Variants in C13orf42 observed in about 807,000 individuals in gnomAD.
The protein encoded by C13orf42 is uncharacterized protein C13orf42.
At chr13:51,157,170 C>T (rs57011760) in intron 1 of C13orf42, among the ~76,000 whole-genome samples, 7,505 of 152,230 alleles carry the variant, frequency 0.049, 630 homozygotes, top group African/African-American at 0.17. Context: ...GCGGTGGCTG[C>T]CGCCTGTAAT....
chr13:51,126,408 A>G (rs1953577825), intron 1 of C13orf42, among the ~76,000 whole-genome samples: 1 of 152,086 alleles, frequency 6.6e-6, no homozygotes, highest in African/African-American at 2.4e-5. Context: ...TTCAGGCAAA[A>G]CTCTATCTTT....
At chr13:51,095,841 G>A (rs564006268) in intron 1 of C13orf42, among the ~76,000 whole-genome samples, 1 of 152,148 alleles carries the variant, frequency 6.6e-6, no homozygotes, top group East Asian at 1.9e-4. Flanking sequence ...CAATGTTCGT[G>A]TCATATCTGA....
intron 1 of C13orf42, among the ~76,000 whole-genome samples, chr13:51,148,202 G>A (rs1319693616): frequency 2.6e-5 from 4 of 152,220 alleles, no homozygotes; most frequent in Non-Finnish European, 5.9e-5. Flanking sequence ...GCCAGCCAGG[G>A]AGAGGTCTCC....
At position 51,106,912 on chromosome 13, in the gene C13orf42, G is replaced by A. The variant is rs144701816; in HGVS notation, c.414+3884C>T. Among the ~76,000 whole-genome samples the A allele has an allele frequency of 2.1e-3, 323 of 152,310 alleles. 2 individuals are homozygous for A. The highest frequency in any genetic ancestry group is 7.3e-3 in the African/African-American group (304 of 41,556). On this transcript the variant is annotated intron_variant, in intron 1 of 3. Transcript: ENST00000563710. Reference sequence around the variant, plus strand: ...CCAACACTGACACAAAAACCCTCACGTACGGATTTTTTTTGTTGTTTTGAT... The same window carrying A: ...CCAACACTGACACAAAAACCCTCACATACGGATTTTTTTTGTTGTTTTGAT...
chr13:51,124,432 CATA>C (rs1367040581), intron 1 of C13orf42, among the ~76,000 whole-genome samples: 3 of 152,164 alleles, frequency 2.0e-5, no homozygotes, highest in Non-Finnish European at 4.4e-5. Context: ...TGGGCGGTTA[CATA>C]ATGAGGAGGT....
At chr13:51,156,134 A>AT (rs1953822712) in intron 1 of C13orf42, among the ~76,000 whole-genome samples, 1 of 152,154 alleles carries the variant, frequency 6.6e-6, no homozygotes, top group African/African-American at 2.4e-5. Flanking sequence ...CTCTTGGGGA[A>AT]GAAGGAAAGC....
intron 1 of C13orf42, among the ~76,000 whole-genome samples, chr13:51,162,986 G>A (rs1953877929): frequency 6.6e-6 from 1 of 152,120 alleles, no homozygotes; most frequent in South Asian, 2.1e-4. Flanking sequence ...ATATATTGAG[G>A]GAAAACTGAT....
upstream of C13orf42, among the ~76,000 whole-genome samples, chr13:51,112,824 C>G (rs1235380137): frequency 6.6e-6 from 1 of 152,192 alleles, no homozygotes; most frequent in African/African-American, 2.4e-5. Context: ...CAGCTTCCAG[C>G]CCATTATGCT....
At chr13:51,130,747 C>T (rs962660128) in intron 1 of C13orf42, among the ~76,000 whole-genome samples, 4 of 151,758 alleles carry the variant, frequency 2.6e-5, no homozygotes, top group Non-Finnish European at 4.4e-5. Flanking sequence ...AAGGTTTTCA[C>T]CAAAAGTAAA....
At chr13:51,158,157 T>C (rs1158511131) in intron 1 of C13orf42, among the ~76,000 whole-genome samples, 1 of 152,174 alleles carries the variant, frequency 6.6e-6, no homozygotes, top group Non-Finnish European at 1.5e-5. Context: ...GTTAAGTAAA[T>C]TGCCAAACAT....
At chr13:51,102,247 C>T (rs1224526273) in intron 1 of C13orf42, among the ~76,000 whole-genome samples, 1 of 152,138 alleles carries the variant, frequency 6.6e-6, no homozygotes, top group African/African-American at 2.4e-5. Flanking sequence ...CAGAAATTCT[C>T]AACAGATCTG....
chr13:51,111,217 G>A lies in C13orf42; in HGVS notation c.-8C>T, dbSNP rs1021185760. On this transcript the variant is annotated 5_prime_UTR_variant, in exon 1 of 4. Transcript: ENST00000563710. ...GTGGATCTTTCTGAACATAGTGCTC[G>A]ATTTCTTTCTGTGGGTACCTTCCAG... 8.4e-4 allele frequency: 333 copies of A among 398,604 alleles called. No homozygotes were observed. Among genetic ancestry groups the A allele is most frequent in the Non-Finnish European group, 1.1e-3 (254 of 226,114 alleles). 24.7% of individuals were successfully genotyped at this position (398,604 alleles called of 1,614,324 possible). A position where few individuals can be genotyped will look rare whatever the true frequency, so the allele number is the denominator to read the frequency against.
chr13:51,101,423 G>T (rs550618507), intron 1 of C13orf42, among the ~76,000 whole-genome samples: 1 of 151,970 alleles, frequency 6.6e-6, no homozygotes, highest in Non-Finnish European at 1.5e-5. Flanking sequence ...GTGTGTTTTT[G>T]ATGGTGGGCT....
chr13:51,135,524 G>A (rs1953650988), intron 1 of C13orf42, among the ~76,000 whole-genome samples: 1 of 151,474 alleles, frequency 6.6e-6, no homozygotes, highest in African/African-American at 2.4e-5. Context: ...ATGGTGGCAG[G>A]CGCCTGTAGT....
intron 1 of C13orf42, among the ~76,000 whole-genome samples, chr13:51,097,084 A>G (rs1255096841): frequency 6.6e-6 from 1 of 152,262 alleles, no homozygotes; most frequent in Non-Finnish European, 1.5e-5. Context: ...GGATCACTCT[A>G]TAGCAGTAAA....
At chr13:51,144,974 G>C (rs947798543) in intron 1 of C13orf42, among the ~76,000 whole-genome samples, 1 of 152,068 alleles carries the variant, frequency 6.6e-6, no homozygotes, top group Non-Finnish European at 1.5e-5. Context: ...TAGTAAAATG[G>C]GAAACTGGAG....
At chr13:51,131,804 A>G (rs1953618967) in intron 1 of C13orf42, among the ~76,000 whole-genome samples, 2 of 152,262 alleles carry the variant, frequency 1.3e-5, no homozygotes, top group Admixed American at 1.3e-4. Context: ...CTAGAGAGAG[A>G]AAAATTATGT....
At chr13:51,088,162 T>A (rs1003193480) in intron 1 of C13orf42, 87 bp from the exon 2 acceptor site, 1 of 396,656 alleles carries the variant, frequency 2.5e-6, no homozygotes, top group African/African-American at 2.1e-5. Flanking sequence ...TAAAACGAAA[T>A]GCGCGTGGGG....
rs373452096 is a variant in C13orf42 at position 51,136,411 on chromosome 13, G to A, written n.137-23189C>T. 2.3e-3 allele frequency among the ~76,000 whole-genome samples: 357 copies of A among 152,272 alleles called. 2 individuals carry two copies. Among genetic ancestry groups the A allele is most frequent in the Middle Eastern group, 0.02 (6 of 294 alleles). Reference sequence around the variant, plus strand: ...GACTCGTCTTTGTCAAGACAGAACCGTAAGGCTCAACAAATGGCTATGGAG... The same window carrying A: ...GACTCGTCTTTGTCAAGACAGAACCATAAGGCTCAACAAATGGCTATGGAG... On this transcript the variant is annotated intron_variant and non_coding_transcript_variant, in intron 1 of 4. Transcript: ENST00000433280.
Sources: gnomAD v4.1 joint callset for allele counts (sites outside exome capture counted in the v4.1 genomes callset) on GRCh38, gnomAD v4.1.1 for gene constraint, MANE v1.5 for transcripts, NCBI Gene and HGNC (gene_info 2026-07-23, HGNC 2026-07-21) for gene names.